The following TASP1 variants were observed in gnomAD, a reference collection of about 807,000 sequenced individuals.
The protein encoded by TASP1 is taspase 1.
TASP1 carries 16 observed loss-of-function variants against 56.6 expected under a neutral mutation model. That is an observed-to-expected ratio of 0.28 (90% confidence interval 0.19 to 0.43). TASP1 has a LOEUF of 0.43. Ranked by LOEUF, TASP1 falls within the 20% of genes least tolerant of loss-of-function variation. The probability of loss-of-function intolerance (pLI) is 1.00; values close to 1 mark genes in which losing one functional copy is unlikely to be tolerated. For missense variants in TASP1, 393 were observed against 511.6 expected (o/e 0.77, Z 2.24); for synonymous variants, 179 against 184.2 (o/e 0.97, Z 0.23).
At chr20:13,636,407 G>C (rs79634511) in intron 1 of TASP1, among the ~76,000 whole-genome samples, 1 of 149,376 alleles carries the variant, frequency 6.7e-6, no homozygotes, top group Non-Finnish European at 1.5e-5. Context: ...TGATCCGCCT[G>C]CCTGGGCCTC....
chr20:13,630,381 T>G (rs957424744), intron 1 of TASP1, among the ~76,000 whole-genome samples: 7 of 152,158 alleles, frequency 4.6e-5, no homozygotes, highest in African/African-American at 1.7e-4. Context: ...TTTAAATCTC[T>G]CTGTCCACTG....
the TASP1 span, among the ~76,000 whole-genome samples, chr20:13,298,510 CT>C: frequency 2.0e-5 from 3 of 152,154 alleles, no homozygotes; most frequent in African/African-American, 7.2e-5. Flanking sequence ...AAAATATCCT[CT>C]TTTTTGTAGA....
intron 8 of TASP1, among the ~76,000 whole-genome samples, chr20:13,551,315 C>T (rs1000474996): frequency 6.6e-6 from 1 of 152,064 alleles, no homozygotes; most frequent in Non-Finnish European, 1.5e-5. Context: ...TACTGCTTTA[C>T]CTAAACACCA....
intron 10 of TASP1, among the ~76,000 whole-genome samples, chr20:13,511,735 T>A (rs1176985569): frequency 1.3e-5 from 2 of 151,102 alleles, no homozygotes; most frequent in Non-Finnish European, 3.0e-5. Context: ...TAGGTATATC[T>A]CCTAATGCTA....
chr20:13,580,987 A>AAT lies in TASP1; in HGVS notation c.404-7_404-6insAT. ...CGAGACTGGGTTCTTGATTCCTATA[A>AAT]AAAAAAAAAAAAAATTGGCAAAAAA... On this transcript the variant is annotated splice_region_variant and splice_polypyrimidine_tract_variant and intron_variant, in intron 5 of 13. Coordinates refer to ENST00000337743, the MANE Select transcript of TASP1 (RefSeq NM_017714.3). 1 of 1,350,928 alleles carries AAT rather than the reference A, an allele frequency of 7.4e-7. No homozygotes were observed. Among genetic ancestry groups the AAT allele is most frequent in the Admixed American group, 2.1e-5 (1 of 48,130 alleles). 83.7% of individuals were successfully genotyped at this position (1,350,928 alleles called of 1,614,324 possible).
At chr20:13,634,622 CGGGAGGTTGAGACAGGAGAATCGCTT>C (rs2049222143) in intron 1 of TASP1, among the ~76,000 whole-genome samples, 1 of 150,762 alleles carries the variant, frequency 6.6e-6, no homozygotes, top group African/African-American at 2.4e-5. Flanking sequence ...CCCAGCTACT[CGGGAGGTTGAGACAGGAGAATCGCTT>C]GAACCAGGGA....
the TASP1 span, among the ~76,000 whole-genome samples, chr20:13,354,786 C>A: frequency 1.3e-5 from 2 of 151,912 alleles, no homozygotes; most frequent in Non-Finnish European, 2.9e-5. Context: ...ATGGAGGGAT[C>A]CGGCAGGAAG....
chr20:13,595,018 A>T lies in TASP1; in HGVS notation c.283-7648T>A, dbSNP rs369939550. Among the ~76,000 whole-genome samples, 5 of 152,216 alleles carry T rather than the reference A, an allele frequency of 3.3e-5. No individual in the cohort carries two copies. The East Asian group carries it at 9.6e-4, about 29-fold the overall frequency. The stretch of plus-strand genomic sequence containing the variant: ...ACAAAGGGAAGCCCATCAGACTAAC[A>T]GCTGATTTCTTGGTGGAAACCCTAC... On this transcript the variant is annotated intron_variant, in intron 4 of 13. Transcript: ENST00000337743.
chr20:13,222,026 A>C, the TASP1 span: 1 of 1,035,012 alleles, frequency 9.7e-7, no homozygotes, highest in Non-Finnish European at 1.3e-6. Context: ...GCCCCACCTA[A>C]GAGCAACTGT....
chr20:13,272,625 T>C, the TASP1 span, among the ~76,000 whole-genome samples: 2 of 152,214 alleles, frequency 1.3e-5, no homozygotes, highest in African/African-American at 4.8e-5. Context: ...CAGAAATCAC[T>C]ACAAGCCCCA....
At chr20:13,231,493 A>G in the TASP1 span, among the ~76,000 whole-genome samples, 2 of 152,176 alleles carry the variant, frequency 1.3e-5, no homozygotes, top group African/African-American at 4.8e-5. Flanking sequence ...ATGAGTAACA[A>G]TGGGGAGGCC....
Position 13,417,443 on chromosome 20 carries a change from C to T in TASP1, c.1170+5G>A, listed in dbSNP as rs187917426. 6.2e-7 allele frequency: 1 copy of T among 1,613,754 alleles called. No homozygotes were observed. The highest frequency in any genetic ancestry group is 8.5e-7 in the Non-Finnish European group (1 of 1,179,880). On this transcript the variant is annotated splice_donor_5th_base_variant and intron_variant, in intron 13 of 13. Coordinates refer to ENST00000337743, the MANE Select transcript of TASP1 (RefSeq NM_017714.3). ...TTCAGGTTATGACCGTTTTTTCCCA[C>T]TTACCTTGGCTTTCCCATCCTGGGC...
At chr20:13,175,377 T>G in the TASP1 span, among the ~76,000 whole-genome samples, 1 of 152,204 alleles carries the variant, frequency 6.6e-6, no homozygotes. Context: ...ATAGCTAAGC[T>G]GAAATTCTGG....
the TASP1 span, among the ~76,000 whole-genome samples, chr20:13,223,170 A>G: frequency 6.9e-6 from 1 of 145,334 alleles, no homozygotes; most frequent in Admixed American, 6.7e-5. Flanking sequence ...AAAAAAATAA[A>G]ATAAAATAAA....
the TASP1 span, chr20:13,165,813 G>C: frequency 6.6e-6 from 1 of 152,130 alleles, no homozygotes; most frequent in Non-Finnish European, 1.5e-5. Flanking sequence ...GATTCAAGAA[G>C]GACATTTAAA....
chr20:13,281,398 A>C, the TASP1 span, among the ~76,000 whole-genome samples: 1 of 152,206 alleles, frequency 6.6e-6, no homozygotes, highest in Non-Finnish European at 1.5e-5. Flanking sequence ...GCTTTCCAAG[A>C]GGAAAGACGG....
At chr20:13,114,007 T>C in the TASP1 span, among the ~76,000 whole-genome samples, 2 of 152,220 alleles carry the variant, frequency 1.3e-5, no homozygotes, top group African/African-American at 4.8e-5. Context: ...TTAGATTACT[T>C]GCCCCAGGAC....
chr20:13,134,961 A>AG, the TASP1 span, among the ~76,000 whole-genome samples: 2 of 152,180 alleles, frequency 1.3e-5, no homozygotes, highest in Non-Finnish European at 2.9e-5. Flanking sequence ...GGAATAGGAA[A>AG]GGGAGTTTTG....
chr20:13,254,468 TCTC>T, the TASP1 span, among the ~76,000 whole-genome samples: 8 of 152,238 alleles, frequency 5.3e-5, no homozygotes, highest in Admixed American at 1.3e-4. Flanking sequence ...GCCCCCCGCA[TCTC>T]CTGCTGAGCC....
Sources: allele counts gnomAD v4.1 joint callset (sites outside exome capture counted in the v4.1 genomes callset), GRCh38; gene constraint gnomAD v4.1.1; transcripts MANE v1.5; gene names NCBI Gene and HGNC (gene_info 2026-07-23, HGNC 2026-07-21).